ARMH1: variants seen among roughly 807,000 people sequenced by gnomAD.
The protein encoded by ARMH1 is armadillo like helical domain containing 1, also known as armadillo-like helical domain containing protein 1.
A neutral mutation model predicts 50.2 loss-of-function variants in ARMH1; 34 were observed. The ratio of observed to expected loss-of-function variants is 0.68; its 90% confidence interval spans 0.51 to 0.90. The LOEUF is 0.90. Ranked by LOEUF, ARMH1 falls within the 40% of genes least tolerant of loss-of-function variation. ARMH1 has a pLI of 0.00. For synonymous variants in ARMH1, 221 were observed against 224.2 expected (o/e 0.99, Z 0.13); for missense variants, 538 against 553.9 (o/e 0.97, Z 0.29).
chr1:44,696,564 T>G (rs1290181714), intron 2 of ARMH1, among the ~76,000 whole-genome samples: 1 of 152,254 alleles, frequency 6.6e-6, no homozygotes, highest in Non-Finnish European at 1.5e-5. Context: ...ATACTGAGGT[T>G]GTTTTAAATC....
chr1:44,689,659 T>C lies in ARMH1; in HGVS notation c.-22-17T>C. On this transcript the variant is annotated splice_polypyrimidine_tract_variant and intron_variant, in intron 1 of 11. Transcript: ENST00000535358. ...CTAAACATTCCGGTAACCTGTCTCTTTTCCCTCCCTCTGTAGCCAACTTCA... is the reference window on the plus strand; with the variant it reads ...CTAAACATTCCGGTAACCTGTCTCTCTTCCCTCCCTCTGTAGCCAACTTCA... 1 of 1,534,420 alleles carries C rather than the reference T, an allele frequency of 6.5e-7. No individual in the cohort carries two copies. The highest frequency in any genetic ancestry group is 1.2e-5 in the South Asian group (1 of 83,610).
Position 44,725,349 on chromosome 1 carries a change from G to T in ARMH1, c.1269G>T (p.Ser423=). 1 of 1,551,674 alleles carries T rather than the reference G, an allele frequency of 6.4e-7. No individual in the cohort carries two copies. Among genetic ancestry groups the T allele is most frequent in the Non-Finnish European group, 8.7e-7 (1 of 1,146,994 alleles). The stretch of plus-strand genomic sequence containing the variant: ...ACACTCTCTATGGCTCGCGCGATTC[G>T]GCTCAGATGGCCTACCTCACACACT... ...SMNTLYGSRD[S]AQMAYLTHFE... is the part of the protein sequence containing the mutation. Residue 423 remains serine (S), a synonymous_variant, in exon 12 of 12, where the codon TCG becomes TCT. Coordinates refer to ENST00000535358, the MANE Select transcript of ARMH1 (RefSeq NM_001145636.2).
chr1:44,675,043 G>T (rs1353088636), intron 1 of ARMH1, among the ~76,000 whole-genome samples, 170 bp downstream of exon 1: 2 of 152,144 alleles, frequency 1.3e-5, no homozygotes, highest in Admixed American at 6.5e-5. Flanking sequence ...GCCCACCGAG[G>T]AGCTGGGAGT....
At chr1:44,680,996 CTT>C (rs1333237982) in intron 1 of ARMH1, among the ~76,000 whole-genome samples, 13 of 138,870 alleles carry the variant, frequency 9.4e-5, no homozygotes, top group Admixed American at 2.8e-4. Flanking sequence ...TTCCGATCCC[CTT>C]TTTTTTTTTT....
Position 44,725,378 on chromosome 1 carries a change from A to G in ARMH1, c.1298A>G (p.Glu433Gly). Residue 433 changes from glutamate to glycine, a missense_variant, in exon 12 of 12, where the codon GAG (glutamate) becomes GGG (glycine). Transcript: ENST00000535358. ...CAGATGGCCTACCTCACACACTTCG[A>G]GGAGGATGTAGAATCAAAGGAGTAA... ...SAQMAYLTHF[E>G]EDVESKE is the part of the protein sequence containing the mutation. The G allele has an allele frequency of 6.4e-7, 1 of 1,551,760 alleles. No homozygotes were observed. Among genetic ancestry groups the G allele is most frequent in the Non-Finnish European group, 8.7e-7 (1 of 1,147,006 alleles).
chr1:44,700,122 G>A (rs1360206969), intron 4 of ARMH1, among the ~76,000 whole-genome samples: 2 of 150,980 alleles, frequency 1.3e-5, no homozygotes, highest in Non-Finnish European at 2.9e-5. Flanking sequence ...GAGCCACAAC[G>A]CCTGACGAAC....
At chr1:44,697,053 T>G (rs1446659200) in intron 2 of ARMH1, 49 bp from the exon 3 acceptor site, 3 of 1,421,140 alleles carry the variant, frequency 2.1e-6, no homozygotes, top group Non-Finnish European at 2.9e-6. Flanking sequence ...GGGCTCTGGC[T>G]TCTGTGTGAA....
chr1:44,685,020 G>T (rs938964514), intron 1 of ARMH1, among the ~76,000 whole-genome samples: 26 of 152,026 alleles, frequency 1.7e-4, no homozygotes, highest in African/African-American at 6.3e-4. Flanking sequence ...CTCTATGAGG[G>T]TGTTAAAAAA....
At chr1:44,715,591 A>G (rs1212128096) in intron 6 of ARMH1, among the ~76,000 whole-genome samples, 1 of 151,742 alleles carries the variant, frequency 6.6e-6, no homozygotes, top group Non-Finnish European at 1.5e-5. Flanking sequence ...ATGGAGTCTC[A>G]CTCTGTCACC....
intron 1 of ARMH1, among the ~76,000 whole-genome samples, chr1:44,675,519 C>T (rs1377119384): frequency 6.6e-6 from 1 of 151,850 alleles, no homozygotes; most frequent in East Asian, 1.9e-4. Context: ...AAAAATTAGC[C>T]AGGCATGGTA....
chr1:44,715,382 G>A (rs1418650623), intron 6 of ARMH1, among the ~76,000 whole-genome samples: 3 of 152,196 alleles, frequency 2.0e-5, no homozygotes, highest in Non-Finnish European at 4.4e-5. Flanking sequence ...TCCTGGGCAA[G>A]TCATTTGTTC....
At chr1:44,699,488 C>G (rs1248469327) in intron 4 of ARMH1, among the ~76,000 whole-genome samples, 1 of 151,960 alleles carries the variant, frequency 6.6e-6, no homozygotes, top group East Asian at 1.9e-4. Context: ...CTCACTCTAT[C>G]GCCCAGGCTG....
chr1:44,708,319 C>G (rs935229938), intron 6 of ARMH1, among the ~76,000 whole-genome samples: 1 of 152,182 alleles, frequency 6.6e-6, no homozygotes, highest in East Asian at 1.9e-4. Flanking sequence ...GGAGAAGCAG[C>G]CTGTGTCCAA....
intron 6 of ARMH1, chr1:44,721,985 C>G (rs1294990440): frequency 1.3e-5 from 2 of 152,178 alleles, no homozygotes; most frequent in Non-Finnish European, 2.9e-5. Flanking sequence ...CAGACAGAAG[C>G]TTTTCTTCCA....
chr1:44,698,076 A>G lies in ARMH1; in HGVS notation c.289A>G (p.Ile97Val). 6.4e-7 allele frequency: 1 copy of G among 1,550,432 alleles called. No homozygotes were observed. Among genetic ancestry groups the G allele is most frequent in the Non-Finnish European group, 8.7e-7 (1 of 1,145,938 alleles). The stretch of plus-strand genomic sequence containing the variant: ...CCCTCTGGACAGTAATCGGTACCTT[A>G]TAGAATTTCTTGAGGTTGGAGGTGT... Reference protein sequence around the residue: ...LSAVSSNRYLIEFLEVGGVLT... With the variant: ...LSAVSSNRYLVEFLEVGGVLT... The change falls in exon 4 of 12, where the codon ATA becomes GTA. Residue 97 changes from isoleucine (I) to valine (V), a missense_variant. Physicochemically the swap from Ile to Val is conservative, Grantham distance 29 (BLOSUM62 3). Transcript: ENST00000535358.
chr1:44,698,774 T>C (rs1645918167), intron 4 of ARMH1, among the ~76,000 whole-genome samples: 1 of 150,318 alleles, frequency 6.7e-6, no homozygotes, highest in Non-Finnish European at 1.5e-5. Flanking sequence ...GATCACACCA[T>C]TGCACTCCAG....
rs1645302772 is a variant in ARMH1, at chr1:44,681,196, C to T, written c.-23+6323C>T. 2.6e-5 allele frequency among the ~76,000 whole-genome samples: 4 copies of T among 152,030 alleles called. No individual in the cohort carries two copies. In the South Asian group the frequency reaches 8.3e-4, roughly 31 times the overall value. Reference sequence around the variant, plus strand: ...TTTTTTAGTAGAGAGGGGGTTTCACCGTGTTAGCCAGGATGGTCTCGATCT... The same window carrying T: ...TTTTTTAGTAGAGAGGGGGTTTCACTGTGTTAGCCAGGATGGTCTCGATCT... On this transcript the variant is annotated intron_variant, in intron 1 of 11. Transcript: ENST00000535358. The surrounding 1 kb of genome is among the most constrained non-coding windows in gnomAD (Gnocchi z 4.3).
At chr1:44,705,728 G>A (rs141393690) in intron 6 of ARMH1, among the ~76,000 whole-genome samples, 5 of 152,308 alleles carry the variant, frequency 3.3e-5, no homozygotes, top group Non-Finnish European at 7.4e-5. Context: ...TTAACATATA[G>A]CGCATGGCAG....
At chr1:44,675,197 C>T (rs1328617507) in intron 1 of ARMH1, among the ~76,000 whole-genome samples, 6 of 152,054 alleles carry the variant, frequency 3.9e-5, no homozygotes, top group African/African-American at 1.5e-4. Context: ...CATGTCTTAA[C>T]GGGAGAGGGA....
Sources: allele counts gnomAD v4.1 joint callset (sites outside exome capture counted in the v4.1 genomes callset), GRCh38; gene constraint gnomAD v4.1.1; non-coding constraint Gnocchi (gnomAD v3.1); transcripts MANE v1.5; gene names NCBI Gene and HGNC (gene_info 2026-07-23, HGNC 2026-07-21).